The following OR2T33 variants were observed in gnomAD, a reference collection of about 807,000 sequenced individuals.
OR2T33 encodes the protein olfactory receptor family 2 subfamily T member 33, also known as olfactory receptor 2T33.
Under a neutral mutation model 14.0 loss-of-function variants are expected in OR2T33, and 10 were observed. The observed-to-expected ratio is 0.72, with a 90% CI of 0.44 to 1.22. The LOEUF is 1.22. Ranked by LOEUF, OR2T33 falls within the 50% of genes most tolerant of loss-of-function variation. The pLI is 0.00. For missense variants in OR2T33, 276 were observed against 405.9 expected (o/e 0.68, Z 2.75); for synonymous variants, 103 against 159.4 (o/e 0.65, Z 2.66).
chr1:248,272,777 A>C lies in OR2T33; in HGVS notation c.*75T>G. The C allele has an allele frequency of 6.6e-7, 1 of 1,512,560 alleles. No homozygotes were observed. Among genetic ancestry groups the C allele is most frequent in the Non-Finnish European group, 8.9e-7 (1 of 1,129,754 alleles). 93.7% of individuals were successfully genotyped at this position (1,512,560 alleles called of 1,614,324 possible). A position where few individuals can be genotyped will look rare whatever the true frequency, so the allele number is the denominator to read the frequency against. On this transcript the variant is annotated 3_prime_UTR_variant, in exon 2 of 2. Coordinates refer to ENST00000641220, the MANE Select transcript of OR2T33 (RefSeq NM_001004695.2). The stretch of plus-strand genomic sequence containing the variant: ...GCAAAAACTTAATTTTCTCTGCATG[A>C]ATTGCTAAAGGGAGAGAATAACAAT...
At position 248,273,461 on chromosome 1, in the gene OR2T33, A is replaced by G; in HGVS notation, c.354T>C (p.Tyr118=). The G allele has an allele frequency of 6.2e-7, 1 of 1,612,712 alleles. No homozygotes were observed. Among genetic ancestry groups the G allele is most frequent in the South Asian group, 1.1e-5 (1 of 91,014 alleles). ...GGTGGCAGACAGCCGCATAGCGGTC[A>G]TAGGCCATGGCTGCTAAGAGGAAGC... is the stretch of plus-strand genomic sequence containing the variant. The part of the protein sequence containing the change: ...GECFLLAAMA[Y]DRYAAVCHPL... Residue 118 remains tyrosine (Y), a synonymous_variant, in exon 2 of 2, where the codon TAT becomes TAC. Transcript: ENST00000641220.
At position 248,272,829 on chromosome 1, in the gene OR2T33, A is replaced by T; in HGVS notation, c.*23T>A. 6.3e-7 allele frequency: 1 copy of T among 1,587,988 alleles called. No individual in the cohort carries two copies. Among genetic ancestry groups the T allele is most frequent in the Non-Finnish European group, 8.6e-7 (1 of 1,169,046 alleles). On this transcript the variant is annotated 3_prime_UTR_variant, in exon 2 of 2. Coordinates refer to ENST00000641220, the MANE Select transcript of OR2T33 (RefSeq NM_001004695.2). ...TGTTAAAATATTAATAAATTCAGGA[A>T]CTTAGACTCATTTGACATTAGATCA...
At chr1:248,275,847 TG>T (rs1327907257) in intron 1 of OR2T33, among the ~76,000 whole-genome samples, 1 of 152,194 alleles carries the variant, frequency 6.6e-6, no homozygotes. Flanking sequence ...ATTTTCTACC[TG>T]AAAAGTTACA....
chr1:248,270,702 C>T lies in OR2T33; in HGVS notation c.*2150G>A, dbSNP rs1015735079. On this transcript the variant is annotated 3_prime_UTR_variant, in exon 2 of 2. Coordinates refer to ENST00000641220, the MANE Select transcript of OR2T33 (RefSeq NM_001004695.2). Reference sequence around the variant, plus strand: ...TAATTTCATGTTAAAAAAATAGATGCCATCCTTTCATTCTTGAAGTATATA... The same window carrying T: ...TAATTTCATGTTAAAAAAATAGATGTCATCCTTTCATTCTTGAAGTATATA... 6 of 152,020 alleles carry T rather than the reference C, an allele frequency of 3.9e-5. No individual in the cohort carries two copies. Among genetic ancestry groups the T allele is most frequent in the African/African-American group, 1.5e-4 (6 of 41,350 alleles). The allele number at this position is 152,020 out of a possible 1,614,324, so 9.4% of individuals were successfully genotyped here. A position where few individuals can be genotyped will look rare whatever the true frequency, so the allele number is the denominator to read the frequency against.
intron 1 of OR2T33, among the ~76,000 whole-genome samples, chr1:248,275,527 C>A (rs1659437829): frequency 6.6e-6 from 1 of 152,174 alleles, no homozygotes; most frequent in African/African-American, 2.4e-5. Flanking sequence ...AACTTTAAAC[C>A]ACCATCAGAC....
intron 1 of OR2T33, among the ~76,000 whole-genome samples, chr1:248,274,806 A>G (rs542849207): frequency 2.0e-5 from 3 of 152,294 alleles, no homozygotes; most frequent in African/African-American, 4.8e-5. Context: ...AGCCACTATT[A>G]TTGTAAATAC....
Position 248,272,693 on chromosome 1 carries a change from A to G in OR2T33, c.*159T>C. On this transcript the variant is annotated 3_prime_UTR_variant, in exon 2 of 2. Transcript: ENST00000641220. The stretch of plus-strand genomic sequence containing the variant: ...GAAGAAAAGTACATAAATGCTAAAA[A>G]TGGTATCTCTCAATACAATTAGCTC... The G allele has an allele frequency of 1.0e-6, 1 of 959,842 alleles. No individual in the cohort carries two copies. The highest frequency in any genetic ancestry group is 2.7e-5 in the Admixed American group (1 of 37,552). 59.5% of individuals were successfully genotyped at this position (959,842 alleles called of 1,614,324 possible).
At position 248,271,309 on chromosome 1, in the gene OR2T33, G is replaced by C. The variant is rs889884772; in HGVS notation, c.*1543C>G. The C allele has an allele frequency of 4.6e-5, 7 of 152,124 alleles. No homozygotes were observed. The highest frequency in any genetic ancestry group is 4.6e-4 in the Admixed American group (7 of 15,272). 9.4% of individuals were successfully genotyped at this position (152,124 alleles called of 1,614,324 possible). A position where few individuals can be genotyped will look rare whatever the true frequency, so the allele number is the denominator to read the frequency against. On this transcript the variant is annotated 3_prime_UTR_variant, in exon 2 of 2. Coordinates refer to ENST00000641220, the MANE Select transcript of OR2T33 (RefSeq NM_001004695.2). ...AATTTCCATGACTACATTTACTTGTGTAAATTTCACCCATTCTAAGAGAAG... is the reference window on the plus strand; with the variant it reads ...AATTTCCATGACTACATTTACTTGTCTAAATTTCACCCATTCTAAGAGAAG...
chr1:248,273,591 G>T lies in OR2T33; in HGVS notation c.224C>A (p.Thr75Asn), dbSNP rs1248651519. The change falls in exon 2 of 2, where the codon ACT (threonine) becomes AAT (asparagine). Residue 75 changes from threonine to asparagine, a missense_variant. Physicochemically the swap from Thr to Asn is moderately conservative, Grantham distance 65 (BLOSUM62 0). Coordinates refer to ENST00000641220, the MANE Select transcript of OR2T33 (RefSeq NM_001004695.2). Reference sequence around the variant, plus strand: ...GTAGTCAGCCGCCATTTTGGGCACAGTGGTGGAAACCAGCATCATGTCCAT... The same window carrying T: ...GTAGTCAGCCGCCATTTTGGGCACATTGGTGGAAACCAGCATCATGTCCAT... ...SLMDMMLVST[T>N]VPKMAADYLT... 3 of 1,613,420 alleles carry T rather than the reference G, an allele frequency of 1.9e-6. No homozygotes were observed. Among genetic ancestry groups the T allele is most frequent in the Non-Finnish European group, 2.5e-6 (3 of 1,179,870 alleles).
rs1659381082 is a variant in OR2T33 at position 248,272,237 on chromosome 1, G to A, written c.*615C>T. On this transcript the variant is annotated 3_prime_UTR_variant, in exon 2 of 2. Coordinates refer to ENST00000641220, the MANE Select transcript of OR2T33 (RefSeq NM_001004695.2). Reference sequence around the variant, plus strand: ...GGAAAAAAAAATACTTAAATGAAAGGTTACATAAATTAAAAAAGGCTTACG... The same window carrying A: ...GGAAAAAAAAATACTTAAATGAAAGATTACATAAATTAAAAAAGGCTTACG... 1.3e-5 allele frequency: 2 copies of A among 151,902 alleles called. No homozygotes were observed. Among genetic ancestry groups the A allele is most frequent in the African/African-American group, 4.8e-5 (2 of 41,334 alleles). The allele number at this position is 151,902 out of a possible 1,614,324, so 9.4% of individuals were successfully genotyped here. A position where few individuals can be genotyped will look rare whatever the true frequency, so the allele number is the denominator to read the frequency against.
At position 248,271,916 on chromosome 1, in the gene OR2T33, G is replaced by A. The variant is rs1456060083; in HGVS notation, c.*936C>T. On this transcript the variant is annotated 3_prime_UTR_variant, in exon 2 of 2. Transcript: ENST00000641220. ...TAATAGAATAGTCTTCTTTTTTTTTGTTTTGCAAACCCCAGATCTTTAGAA... is the reference window on the plus strand; with the variant it reads ...TAATAGAATAGTCTTCTTTTTTTTTATTTTGCAAACCCCAGATCTTTAGAA... 6.7e-6 allele frequency: 1 copy of A among 150,278 alleles called. No homozygotes were observed. Among genetic ancestry groups the A allele is most frequent in the Non-Finnish European group, 1.5e-5 (1 of 67,662 alleles). The allele number at this position is 150,278 out of a possible 1,614,324, so 9.3% of individuals were successfully genotyped here. A position where few individuals can be genotyped will look rare whatever the true frequency, so the allele number is the denominator to read the frequency against.
intron 1 of OR2T33, 148 bp from the exon 2 acceptor site, chr1:248,273,970 T>C: frequency 8.8e-7 from 1 of 1,131,688 alleles, no homozygotes; most frequent in East Asian, 2.4e-5. Context: ...GAGCATGGCT[T>C]TTCCTGACCT....
chr1:248,275,280 G>C (rs1370461524), intron 1 of OR2T33, among the ~76,000 whole-genome samples: 1 of 152,154 alleles, frequency 6.6e-6, no homozygotes, highest in Non-Finnish European at 1.5e-5. Context: ...CTTTGAGATG[G>C]CTTATTTAAG....
intron 1 of OR2T33, among the ~76,000 whole-genome samples, chr1:248,275,377 C>G (rs1242722095): frequency 1.3e-5 from 2 of 152,172 alleles, no homozygotes; most frequent in African/African-American, 4.8e-5. Flanking sequence ...AAGCCTGTGC[C>G]AAGCCTTGTT....
chr1:248,277,034 TATTA>T (rs1296781991), intron 1 of OR2T33, among the ~76,000 whole-genome samples: 1 of 151,462 alleles, frequency 6.6e-6, no homozygotes, highest in Non-Finnish European at 1.5e-5. Flanking sequence ...CATGGGCTGT[TATTA>T]ATTCTAAGCT....
At chr1:248,275,742 A>C (rs1659440217) in intron 1 of OR2T33, among the ~76,000 whole-genome samples, 1 of 152,006 alleles carries the variant, frequency 6.6e-6, no homozygotes, top group Admixed American at 6.6e-5. Flanking sequence ...CACCAAAAAA[A>C]AAAAAATCAC....
Position 248,273,229 on chromosome 1 carries a change from C to A in OR2T33, c.586G>T (p.Ala196Ser). Residue 196 changes from alanine to serine, a missense_variant, in exon 2 of 2, where the codon GCC (alanine) becomes TCC (serine). Ala to Ser is a moderately conservative substitution (Grantham distance 99). Transcript: ENST00000641220. ...ACADTSVFENAMYICCVLMLL... is the reference protein window; with the variant it reads ...ACADTSVFENSMYICCVLMLL... The stretch of plus-strand genomic sequence containing the variant: ...ATTAACACACAGCAGATGTACATGG[C>A]GTTTTCGAAGACTGAAGTGTCAGCA... 6.2e-7 allele frequency: 1 copy of A among 1,609,240 alleles called. No homozygotes were observed. Among genetic ancestry groups the A allele is most frequent in the South Asian group, 1.1e-5 (1 of 90,826 alleles).
At chr1:248,273,901 C>A in intron 1 of OR2T33, 79 bp from the exon 2 acceptor site, 1 of 1,532,538 alleles carries the variant, frequency 6.5e-7, no homozygotes, top group Non-Finnish European at 8.8e-7. Context: ...TGCACAGTTT[C>A]CGGACATACG....
At chr1:248,273,927 C>T in intron 1 of OR2T33, 105 bp from the exon 2 acceptor site, 2 of 1,418,308 alleles carry the variant, frequency 1.4e-6, no homozygotes, top group Non-Finnish European at 1.9e-6. Flanking sequence ...GGTATGTTAT[C>T]CCAGGTAGTG....
Sources: gnomAD v4.1 joint callset for allele counts (sites outside exome capture counted in the v4.1 genomes callset) on GRCh38, gnomAD v4.1.1 for gene constraint, MANE v1.5 for transcripts, NCBI Gene and HGNC (gene_info 2026-07-23, HGNC 2026-07-21) for gene names.